The following CAPN3 variants were observed in gnomAD, a reference collection of about 807,000 sequenced individuals.
The protein encoded by CAPN3 is calpain 3, also known as calpain-3.
Under a neutral mutation model 114.0 loss-of-function variants are expected in CAPN3, and 88 were observed. The ratio of observed to expected loss-of-function variants is 0.77; its 90% CI spans 0.65 to 0.92. The LOEUF is 0.92. Ranked by LOEUF, CAPN3 falls within the 40% of genes least tolerant of loss-of-function variation. The pLI, the probability that CAPN3 is intolerant of heterozygous loss-of-function variation, is 0.00. For missense variants in CAPN3, 1,028 were observed against 1,069.0 expected (o/e 0.96, Z 0.53); for synonymous variants, 386 against 382.9 (o/e 1.01, Z -0.09).
chr15:42,409,150 T>A, intron 16 of CAPN3, 153 bp from the exon 17 acceptor site: 1 of 704,786 alleles, frequency 1.4e-6, no homozygotes, highest in Non-Finnish European at 2.6e-6. Flanking sequence ...TGCATCTCAC[T>A]CCAGCTCACC....
At chr15:42,379,919 C>A (rs2053191909) in intron 1 of CAPN3, among the ~76,000 whole-genome samples, 1 of 151,992 alleles carries the variant, frequency 6.6e-6, no homozygotes, top group Admixed American at 6.6e-5. Context: ...GAGTTTGAGA[C>A]CAGCCTGGCC....
chr15:42,393,595 CTT>C (rs199564761), intron 7 of CAPN3, among the ~76,000 whole-genome samples: 39 of 128,814 alleles, frequency 3.0e-4, no homozygotes, highest in Middle Eastern at 4.1e-3. Context: ...TTCTTTCTTT[CTT>C]TTTTTTTTTT....
At chr15:42,405,848 G>A in intron 14 of CAPN3, 78 bp from the exon 15 acceptor site, 1 of 1,178,268 alleles carries the variant, frequency 8.5e-7, no homozygotes, top group East Asian at 2.3e-5. Context: ...CAGGATACAG[G>A]GAAGCCAAAA....
At chr15:42,411,085 C>A in intron 22 of CAPN3, 85 bp downstream of exon 22, 1 of 1,201,240 alleles carries the variant, frequency 8.3e-7, no homozygotes, top group Non-Finnish European at 1.2e-6. Context: ...CTCCAGTCTG[C>A]TCCATCCAGG....
chr15:42,389,130 C>G (rs753884469), intron 5 of CAPN3, 34 bp downstream of exon 5: 1 of 1,605,826 alleles, frequency 6.2e-7, no homozygotes, highest in Non-Finnish European at 8.5e-7. Flanking sequence ...GGGTGGGGAG[C>G]TCCAAGTGTC....
At chr15:42,385,909 T>C (rs2053390498) in intron 2 of CAPN3, 1 of 689,074 alleles carries the variant, frequency 1.5e-6, no homozygotes, top group Non-Finnish European at 2.7e-6. Flanking sequence ...TATACTGCAG[T>C]TGGAGGAACT....
chr15:42,363,190 CCTCTA>C (rs1395355709), intron 1 of CAPN3, among the ~76,000 whole-genome samples: 1 of 152,206 alleles, frequency 6.6e-6, no homozygotes, highest in Non-Finnish European at 1.5e-5. Context: ...AGACTTTCTT[CCTCTA>C]CTCGGGAACA....
intron 10 of CAPN3, 115 bp from the exon 11 acceptor site, chr15:42,401,526 A>C (rs533218081): frequency 7.9e-5 from 37 of 467,906 alleles, no homozygotes; most frequent in South Asian, 5.8e-4. Context: ...TTTTCTGTTG[A>C]TATTTCCTAA....
At position 42,370,915 on chromosome 15, in the gene CAPN3, C is replaced by T. The variant is rs58083982; in HGVS notation, c.309+10801C>T. ...AGCACATAACATCAGAGCACAGGCTCTGAAGTCAGGCAAACTTCATTCAAA... is the reference window on the plus strand; with the variant it reads ...AGCACATAACATCAGAGCACAGGCTTTGAAGTCAGGCAAACTTCATTCAAA... On this transcript the variant is annotated intron_variant, in intron 1 of 23. Transcript: ENST00000397163. Among the ~76,000 whole-genome samples the T allele has an allele frequency of 3.3e-5, 5 of 152,198 alleles. No individual in the cohort carries two copies. The East Asian group carries it at 9.7e-4, about 29-fold the overall frequency.
At position 42,410,463 on chromosome 15, in the gene CAPN3, C is replaced by G. The variant is rs2054178801; in HGVS notation, c.2151C>G (p.Phe717Leu). Reference protein sequence around the residue: ...DGSGKLNLQEFHHLWNKIKAW... With the variant: ...DGSGKLNLQELHHLWNKIKAW... Reference sequence around the variant, plus strand: ...CTGGAAAGCTCAACCTGCAGGAGTTCCACCACCTCTGGAACAAGATTAAGG... The same window carrying G: ...CTGGAAAGCTCAACCTGCAGGAGTTGCACCACCTCTGGAACAAGATTAAGG... The change falls in exon 20 of 24, where the codon TTC (phenylalanine) becomes TTG (leucine). Residue 717 changes from phenylalanine to leucine, a missense_variant. Physicochemically the swap from Phe to Leu is conservative, Grantham distance 22 (BLOSUM62 0). Coordinates refer to ENST00000397163, the MANE Select transcript of CAPN3 (RefSeq NM_000070.3). 6.2e-7 allele frequency: 1 copy of G among 1,613,948 alleles called. No homozygotes were observed. Among genetic ancestry groups the G allele is most frequent in the Admixed American group, 1.7e-5 (1 of 59,990 alleles).
intron 2 of CAPN3, among the ~76,000 whole-genome samples, chr15:42,385,351 CAAA>C (rs2141157673): frequency 6.6e-6 from 1 of 152,166 alleles, no homozygotes; most frequent in South Asian, 2.1e-4. Context: ...CTGGGACCTT[CAAA>C]CCAATAACCT....
At chr15:42,363,195 A>G (rs2052689803) in intron 1 of CAPN3, among the ~76,000 whole-genome samples, 1 of 152,046 alleles carries the variant, frequency 6.6e-6, no homozygotes. Flanking sequence ...TTCTTCCTCT[A>G]CTCGGGAACA....
rs141594816 is a variant in CAPN3 at position 42,398,300 on chromosome 15, A to G, written c.1194-1192A>G. Among the ~76,000 whole-genome samples the G allele has an allele frequency of 6.9e-3, 1,053 of 152,124 alleles. 12 individuals are homozygous for G. Among genetic ancestry groups the G allele is most frequent in the African/African-American group, 0.024 (1,015 of 41,510 alleles). On this transcript the variant is annotated intron_variant, in intron 9 of 23. Coordinates refer to ENST00000397163, the MANE Select transcript of CAPN3 (RefSeq NM_000070.3). ...TTCCTCTAGTTATTTTGAAAGATATATAGGCTGGGCGTGGTGGCTTATGCC... is the reference window on the plus strand; with the variant it reads ...TTCCTCTAGTTATTTTGAAAGATATGTAGGCTGGGCGTGGTGGCTTATGCC...
Position 42,360,008 on chromosome 15 carries a change from G to T in CAPN3, c.203G>T (p.Cys68Phe), listed in dbSNP as rs2052597358. The T allele has an allele frequency of 6.2e-7, 1 of 1,614,092 alleles. No individual in the cohort carries two copies. Among genetic ancestry groups the T allele is most frequent in the South Asian group, 1.1e-5 (1 of 91,090 alleles). ...ACATTCGAGCAACTTCACAAGAAAT[G>T]TCTAGAAAAGAAAGTTCTTTATGTG... ...EKTFEQLHKK[C>F]LEKKVLYVDP... is the part of the protein sequence containing the mutation. Residue 68 changes from cysteine to phenylalanine, a missense_variant, in exon 1 of 24, where the codon TGT becomes TTT. Physicochemically the swap from Cys to Phe is radical, Grantham distance 205. Transcript: ENST00000397163.
chr15:42,402,026 A>G (rs2053886837), intron 11 of CAPN3, 98 bp from the exon 12 acceptor site: 2 of 1,510,502 alleles, frequency 1.3e-6, no homozygotes, highest in South Asian at 2.2e-5. Context: ...CCTGGGGGTC[A>G]GGCTTCCGCA....
intron 5 of CAPN3, 63 bp from the exon 6 acceptor site, chr15:42,389,890 A>G (rs2053507785): frequency 6.4e-7 from 1 of 1,563,836 alleles, no homozygotes; most frequent in African/African-American, 1.4e-5. Flanking sequence ...TTCCCTTTCC[A>G]CCCTTCTGTG....
chr15:42,384,698 TTTA>T, intron 2 of CAPN3, 146 bp downstream of exon 2: 1 of 700,804 alleles, frequency 1.4e-6, no homozygotes, highest in East Asian at 2.6e-5. Context: ...TTTATGGTCG[TTTA>T]TCTACATGCT....
intron 1 of CAPN3, among the ~76,000 whole-genome samples, chr15:42,379,630 C>A (rs1418128104): frequency 6.6e-6 from 1 of 152,152 alleles, no homozygotes; most frequent in Non-Finnish European, 1.5e-5. Context: ...TAGGTGCACA[C>A]ACATTTAAGA....
intron 23 of CAPN3, 52 bp from the exon 24 acceptor site, chr15:42,411,695 G>GA (rs55852203): frequency 1.6e-5 from 13 of 792,720 alleles, no homozygotes; most frequent in East Asian, 6.8e-5. Context: ...GGGCGGGGGG[G>GA]GGGGGGGTCA....
Sources: gnomAD v4.1 joint callset for allele counts (sites outside exome capture counted in the v4.1 genomes callset) on GRCh38, gnomAD v4.1.1 for gene constraint, MANE v1.5 for transcripts, NCBI Gene and HGNC (gene_info 2026-07-23, HGNC 2026-07-21) for gene names.